Variants in PXYLP1 observed in about 807,000 individuals in gnomAD.
PXYLP1 encodes acid phosphatase-like 2.
In PXYLP1, 17 loss-of-function variants were observed where a neutral mutation model predicts 37.9. The observed-to-expected ratio is 0.45, with a 90% CI of 0.31 to 0.67. The LOEUF (loss-of-function observed/expected upper bound fraction) is 0.67. Among genes scored for constraint, PXYLP1 ranks in the 30% least tolerant of loss-of-function variants. PXYLP1 has a pLI of 0.07. For synonymous variants in PXYLP1, 221 were observed against 232.2 expected, an observed-to-expected ratio of 0.95 and a Z score of 0.44; for missense variants, 511 against 612.0, an observed-to-expected ratio of 0.84 and a Z score of 1.74.
intron 1 of PXYLP1, among the ~76,000 whole-genome samples, chr3:141,246,191 T>C (rs1252568520): frequency 6.6e-6 from 1 of 152,156 alleles, no homozygotes; most frequent in Non-Finnish European, 1.5e-5. Context: ...TCTCTAAGAA[T>C]TGGCACTTTC....
intron 2 of PXYLP1, chr3:141,273,706 T>C: frequency 1.0e-6 from 1 of 985,324 alleles, no homozygotes; most frequent in Non-Finnish European, 1.2e-6. Context: ...GTGGACAGGA[T>C]GAAAGTGATC....
intron 2 of PXYLP1, among the ~76,000 whole-genome samples, chr3:141,267,039 G>A (rs554284514): frequency 2.4e-4 from 37 of 152,198 alleles, no homozygotes; most frequent in Non-Finnish European, 3.7e-4. Context: ...TTGTGGTTTC[G>A]ACTCTTTGCA....
intron 1 of PXYLP1, among the ~76,000 whole-genome samples, chr3:141,232,976 T>C (rs934496474): frequency 1.4e-5 from 2 of 147,108 alleles, no homozygotes; most frequent in African/African-American, 5.1e-5. Flanking sequence ...TGTAGGGGGG[T>C]GGATGGGGGA....
At chr3:141,280,342 C>T (rs894253480) in intron 4 of PXYLP1, among the ~76,000 whole-genome samples, 1 of 152,230 alleles carries the variant, frequency 6.6e-6, no homozygotes, top group African/African-American at 2.4e-5. Context: ...AAAAGTGACA[C>T]TTTGTAGCTC....
chr3:141,273,851 A>C, intron 2 of PXYLP1: 1 of 985,400 alleles, frequency 1.0e-6, no homozygotes, highest in Non-Finnish European at 1.2e-6. Flanking sequence ...GTTAATCATC[A>C]GTAAAAGATA....
intron 2 of PXYLP1, chr3:141,273,653 T>C: frequency 2.0e-6 from 2 of 985,324 alleles, no homozygotes; most frequent in Non-Finnish European, 2.4e-6. Context: ...TTCTTTGAAA[T>C]TGAGACCTTG....
intron 1 of PXYLP1, among the ~76,000 whole-genome samples, chr3:141,250,455 A>G (rs1255486141): frequency 1.3e-5 from 2 of 152,106 alleles, no homozygotes; most frequent in African/African-American, 2.4e-5. Context: ...TGCCCATTCT[A>G]TCCCTGCGTG....
chr3:141,258,567 G>A (rs1307471968), intron 1 of PXYLP1: 1 of 153,396 alleles, frequency 6.5e-6, no homozygotes, highest in East Asian at 1.9e-4. Context: ...AGCACTCAGA[G>A]AGATTGAAGG....
At chr3:141,246,545 A>G (rs1940962186) in intron 1 of PXYLP1, among the ~76,000 whole-genome samples, 2 of 152,196 alleles carry the variant, frequency 1.3e-5, no homozygotes, top group African/African-American at 4.8e-5. Context: ...GGCACAGAAG[A>G]GAGGCAGCAT....
At chr3:141,280,350 C>T (rs1334926211) in intron 4 of PXYLP1, among the ~76,000 whole-genome samples, 1 of 152,216 alleles carries the variant, frequency 6.6e-6, no homozygotes, top group Non-Finnish European at 1.5e-5. Flanking sequence ...CACTTTGTAG[C>T]TCGTCTTGCA....
At chr3:141,273,226 A>G (rs1941711601) in intron 2 of PXYLP1, 15 of 985,418 alleles carry the variant, frequency 1.5e-5, no homozygotes, top group Middle Eastern at 5.2e-4. Flanking sequence ...AATCCCCAGC[A>G]TGTGCTCCAT....
At position 141,270,933 on chromosome 3, in the gene PXYLP1, C is replaced by A. The variant is rs149484637; in HGVS notation, c.80-7409C>A. On this transcript the variant is annotated intron_variant, in intron 2 of 5. Coordinates refer to ENST00000286353, the MANE Select transcript of PXYLP1 (RefSeq NM_001037172.3). ...TAAGATGGAGTCTCACTCTGTCACCCAGGCTGGAATGCAGTAGTGTGATCA... is the reference window on the plus strand; with the variant it reads ...TAAGATGGAGTCTCACTCTGTCACCAAGGCTGGAATGCAGTAGTGTGATCA... 5.1e-3 allele frequency among the ~76,000 whole-genome samples: 784 copies of A among 152,294 alleles called. 7 individuals carry two copies. Among genetic ancestry groups the A allele is most frequent in the African/African-American group, 0.018 (753 of 41,552 alleles).
At chr3:141,284,965 A>C (rs1008507134) in intron 4 of PXYLP1, among the ~76,000 whole-genome samples, 1 of 152,104 alleles carries the variant, frequency 6.6e-6, no homozygotes, top group Non-Finnish European at 1.5e-5. Context: ...TCACTCACAT[A>C]TATTTTTAGA....
chr3:141,253,203 G>A (rs1267258477), intron 1 of PXYLP1, among the ~76,000 whole-genome samples: 2 of 152,164 alleles, frequency 1.3e-5, no homozygotes, highest in African/African-American at 4.8e-5. Flanking sequence ...CCCACTGATG[G>A]TAGGACACCT....
At position 141,287,373 on chromosome 3, in the gene PXYLP1, C is replaced by T; in HGVS notation, c.425C>T (p.Ala142Val). 1.2e-6 allele frequency: 2 copies of T among 1,614,138 alleles called. No individual in the cohort carries two copies. The highest frequency in any genetic ancestry group is 1.7e-6 in the Non-Finnish European group (2 of 1,180,028). ...AGTCACATGTCAAAAGGATCCGGAGCCTCTTTCGAAAGCCCCTTGAACTCC... is the reference window on the plus strand; with the variant it reads ...AGTCACATGTCAAAAGGATCCGGAGTCTCTTTCGAAAGCCCCTTGAACTCC... ...FISHMSKGSG[A>V]SFESPLNSLP... Residue 142 changes from alanine (A) to valine (V), a missense_variant, in exon 5 of 6, where the codon GCC becomes GTC. Ala to Val is a moderately conservative substitution (Grantham distance 64, BLOSUM62 0). Transcript: ENST00000286353.
chr3:141,278,223 C>A, intron 2 of PXYLP1, 119 bp from the exon 3 acceptor site: 1 of 1,171,210 alleles, frequency 8.5e-7, no homozygotes, highest in Non-Finnish European at 1.2e-6. Context: ...CACTGAAGTG[C>A]ACCTTGATTC....
intron 2 of PXYLP1, among the ~76,000 whole-genome samples, chr3:141,271,555 C>T (rs1424298099): frequency 2.6e-5 from 4 of 152,176 alleles, no homozygotes; most frequent in African/African-American, 9.7e-5. Flanking sequence ...GCAATGGAGA[C>T]AGAGCTGAGC....
intron 1 of PXYLP1, among the ~76,000 whole-genome samples, chr3:141,247,764 A>G (rs1203400469): frequency 6.6e-6 from 1 of 152,242 alleles, no homozygotes; most frequent in East Asian, 1.9e-4. Context: ...CGTATTAAGT[A>G]AGAAACTCCA....
chr3:141,248,020 T>TG (rs1223088627), intron 1 of PXYLP1, among the ~76,000 whole-genome samples: 1 of 69,296 alleles, frequency 1.4e-5, no homozygotes, highest in East Asian at 3.3e-4. Context: ...GAGTTTTTGT[T>TG]TTGTTTTTTT....
Sources: gnomAD v4.1 joint callset for allele counts (sites outside exome capture counted in the v4.1 genomes callset) on GRCh38, gnomAD v4.1.1 for gene constraint, MANE v1.5 for transcripts, NCBI Gene and HGNC (gene_info 2026-07-23, HGNC 2026-07-21) for gene names.